Variants in SH2D4A observed in about 807,000 individuals in gnomAD.
The protein encoded by SH2D4A is SH2 domain-containing protein 4A.
A neutral mutation model predicts 64.7 loss-of-function variants in SH2D4A; 70 were observed. That is an observed-to-expected ratio of 1.08 (90% CI 0.89 to 1.32). The LOEUF (loss-of-function observed/expected upper bound fraction) is 1.32, where lower values mean the gene tolerates loss of function less well. SH2D4A is among the 40% of genes most tolerant of loss of function. The pLI, the probability that SH2D4A is intolerant of heterozygous loss-of-function variation, is 0.00. For synonymous variants in SH2D4A, 268 were observed against 200.7 expected, an observed-to-expected ratio of 1.34 and a Z score of -2.83; for missense variants, 706 against 540.1, an observed-to-expected ratio of 1.31 and a Z score of -3.04.
intron 1 of SH2D4A, among the ~76,000 whole-genome samples, chr8:19,315,702 G>A (rs1292647598): frequency 6.6e-6 from 1 of 152,178 alleles, no homozygotes; most frequent in Non-Finnish European, 1.5e-5. Flanking sequence ...GTTGGATCTT[G>A]AATAACCGGA....
At chr8:19,393,630 G>GAGAC in intron 9 of SH2D4A, 89 bp downstream of exon 9, 1 of 1,339,260 alleles carries the variant, frequency 7.5e-7, no homozygotes. Context: ...GAAAAGGACT[G>GAGAC]AGACAAGTAC....
At chr8:19,320,730 C>T (rs181804121) in intron 2 of SH2D4A, among the ~76,000 whole-genome samples, 1 of 152,128 alleles carries the variant, frequency 6.6e-6, no homozygotes, top group Non-Finnish European at 1.5e-5. Flanking sequence ...CCCCACACCC[C>T]CGCCTTGCTG....
At chr8:19,371,031 T>G (rs1350336674) in intron 7 of SH2D4A, among the ~76,000 whole-genome samples, 1 of 152,150 alleles carries the variant, frequency 6.6e-6, no homozygotes, top group Non-Finnish European at 1.5e-5. Context: ...GCATTTTGTA[T>G]TTTTGAGTGA....
chr8:19,346,404 G>T (rs1473669976), intron 4 of SH2D4A, among the ~76,000 whole-genome samples: 1 of 152,202 alleles, frequency 6.6e-6, no homozygotes, highest in African/African-American at 2.4e-5. Context: ...AGGGATCTAG[G>T]TTGCATGCTC....
intron 8 of SH2D4A, among the ~76,000 whole-genome samples, chr8:19,385,262 T>A (rs1585210207): frequency 6.6e-6 from 1 of 151,014 alleles, no homozygotes; most frequent in South Asian, 2.1e-4. Flanking sequence ...CAGGCTAGAG[T>A]GCAGTGATGC....
chr8:19,385,593 ATTG>A lies in SH2D4A; in HGVS notation c.1049-7719_1049-7717del, dbSNP rs972321272. Among the ~76,000 whole-genome samples, 8 of 152,220 alleles carry A rather than the reference ATTG, an allele frequency of 5.3e-5. No homozygotes were observed. In the South Asian group the frequency reaches 1.0e-3, roughly 20 times the overall value. ...GAACCTCTTGGAGGTATTCTCTGGAATTGTTGTTCCCTAGAGATGGTTTTAAGG... is the reference window on the plus strand; with the variant it reads ...GAACCTCTTGGAGGTATTCTCTGGAATTGTTCCCTAGAGATGGTTTTAAGG... On this transcript the variant is annotated intron_variant, in intron 8 of 9. Coordinates refer to ENST00000265807, the MANE Select transcript of SH2D4A (RefSeq NM_022071.4).
At chr8:19,362,756 A>G (rs1390272601) in intron 6 of SH2D4A, among the ~76,000 whole-genome samples, 2 of 152,160 alleles carry the variant, frequency 1.3e-5, no homozygotes, top group Non-Finnish European at 2.9e-5. Flanking sequence ...AAAACAAAAC[A>G]AAACAAAAAA....
At chr8:19,373,774 C>A in intron 8 of SH2D4A, 114 bp downstream of exon 8, 1 of 1,349,462 alleles carries the variant, frequency 7.4e-7, no homozygotes, top group South Asian at 1.7e-5. Context: ...CAAAAAGAGT[C>A]TTTCAGATTA....
At chr8:19,331,770 C>A (rs1196661027) in intron 2 of SH2D4A, among the ~76,000 whole-genome samples, 1 of 152,106 alleles carries the variant, frequency 6.6e-6, no homozygotes, top group Non-Finnish European at 1.5e-5. Flanking sequence ...CCCACAGCAA[C>A]CCTAGGTAGT....
chr8:19,347,943 A>T (rs1203525202), intron 4 of SH2D4A, among the ~76,000 whole-genome samples: 2 of 152,184 alleles, frequency 1.3e-5, no homozygotes, highest in Non-Finnish European at 2.9e-5. Flanking sequence ...ACACGTGTGC[A>T]TGCTTTCCAC....
At position 19,313,830 on chromosome 8, in the gene SH2D4A, G is replaced by A. The variant is rs1443491767; in HGVS notation, c.-205+7G>A. 2.7e-6 allele frequency: 4 copies of A among 1,488,172 alleles called. No homozygotes were observed. The highest frequency in any genetic ancestry group is 3.6e-6 in the Non-Finnish European group (4 of 1,125,496). 92.2% of individuals were successfully genotyped at this position (1,488,172 alleles called of 1,614,324 possible). ...CCAGGGGCGCCCAGCACTGGTAGGT[G>A]CTGGGGGTGGGGCGAGGCTTTGGGG... On this transcript the variant is annotated splice_region_variant and intron_variant, in intron 1 of 9. Coordinates refer to ENST00000265807, the MANE Select transcript of SH2D4A (RefSeq NM_022071.4).
At chr8:19,332,709 A>G (rs941915973) in intron 2 of SH2D4A, among the ~76,000 whole-genome samples, 94 of 147,648 alleles carry the variant, frequency 6.4e-4, no homozygotes, top group Admixed American at 1.2e-3. Flanking sequence ...AAAAAAAAAA[A>G]AAAAGCACGG....
At chr8:19,334,646 A>T (rs2052415292) in intron 3 of SH2D4A, 40 bp from the exon 4 acceptor site, 1 of 1,559,646 alleles carries the variant, frequency 6.4e-7, no homozygotes, top group African/African-American at 1.4e-5. Context: ...CTTCCTGTTG[A>T]AGAATGTTTT....
chr8:19,339,442 C>G (rs2052492141), intron 4 of SH2D4A, among the ~76,000 whole-genome samples: 1 of 151,642 alleles, frequency 6.6e-6, no homozygotes, highest in Non-Finnish European at 1.5e-5. Flanking sequence ...TCAGTACCTC[C>G]AAACACATAT....
intron 2 of SH2D4A, among the ~76,000 whole-genome samples, chr8:19,331,420 T>C: frequency 6.6e-6 from 1 of 152,202 alleles, no homozygotes; most frequent in East Asian, 1.9e-4. Flanking sequence ...TGGCCCACAG[T>C]TGCCCTGGGT....
chr8:19,338,494 C>T (rs778824889), intron 4 of SH2D4A, among the ~76,000 whole-genome samples: 21 of 152,190 alleles, frequency 1.4e-4, no homozygotes, highest in South Asian at 2.1e-4. Context: ...CCAGCTTAAT[C>T]GCATGAGTCC....
chr8:19,320,821 C>G (rs2052177072), intron 2 of SH2D4A, among the ~76,000 whole-genome samples: 1 of 152,102 alleles, frequency 6.6e-6, no homozygotes. Context: ...GCAGAGGCAT[C>G]TAAGACCGTC....
chr8:19,328,211 C>T (rs933083616), intron 2 of SH2D4A, among the ~76,000 whole-genome samples: 3 of 152,192 alleles, frequency 2.0e-5, no homozygotes, highest in Non-Finnish European at 2.9e-5. Context: ...GCTTCAATAA[C>T]GCCACCTATA....
intron 2 of SH2D4A, among the ~76,000 whole-genome samples, chr8:19,327,275 T>A (rs1181819990): frequency 6.6e-6 from 1 of 152,150 alleles, no homozygotes; most frequent in African/African-American, 2.4e-5. Flanking sequence ...AGAAACCCTG[T>A]AATTAAACGA....
Sources: gnomAD v4.1 joint callset for allele counts (sites outside exome capture counted in the v4.1 genomes callset) on GRCh38, gnomAD v4.1.1 for gene constraint, MANE v1.5 for transcripts, NCBI Gene and HGNC (gene_info 2026-07-23, HGNC 2026-07-21) for gene names.